The following RNLS variants were observed in gnomAD, a reference collection of about 807,000 sequenced individuals.
RNLS encodes renalase, FAD dependent amine oxidase, also known as renalase.
Under a neutral mutation model 39.8 loss-of-function variants are expected in RNLS, and 39 were observed. The observed-to-expected ratio is 0.98, with a 90% CI of 0.76 to 1.28. RNLS has a LOEUF of 1.28. RNLS is among the 50% of genes most tolerant of loss of function. The probability of loss-of-function intolerance (pLI) is 0.00; values close to 1 mark genes in which losing one functional copy is unlikely to be tolerated. For missense variants in RNLS, 410 were observed against 413.3 expected, an observed-to-expected ratio of 0.99 and a Z score of 0.07; for synonymous variants, 147 against 150.7, an observed-to-expected ratio of 0.98 and a Z score of 0.18.
In RNLS at chr10:88,284,968, T is replaced by G. The variant is rs1487250515; in HGVS notation, c.*386A>C. ...ACATCCGAAGACTTAAGATGGGGCT[T>G]TGATAATGTGATTATTCTTTATTCA... is the stretch of plus-strand genomic sequence containing the variant. On this transcript the variant is annotated 3_prime_UTR_variant, in exon 7 of 7. Transcript: ENST00000331772. 1.0e-6 allele frequency: 1 copy of G among 989,270 alleles called. No homozygotes were observed. The highest frequency in any genetic ancestry group is 1.2e-6 in the Non-Finnish European group (1 of 832,680). 61.3% of individuals were successfully genotyped at this position (989,270 alleles called of 1,614,324 possible). A position where few individuals can be genotyped will look rare whatever the true frequency, so the allele number is the denominator to read the frequency against.
At chr10:88,441,845 C>CA (rs1564801519) in intron 4 of RNLS, among the ~76,000 whole-genome samples, 1 of 152,200 alleles carries the variant, frequency 6.6e-6, no homozygotes, top group Non-Finnish European at 1.5e-5. Flanking sequence ...AAAACCTTGA[C>CA]AGGTCTTAAT....
intron 4 of RNLS, among the ~76,000 whole-genome samples, chr10:88,558,417 T>C (rs1178971046): frequency 6.6e-6 from 1 of 152,188 alleles, no homozygotes; most frequent in Non-Finnish European, 1.5e-5. Context: ...GTGTTGATAT[T>C]GGAATTATCA....
chr10:88,386,606 C>A (rs1484296104), intron 4 of RNLS, among the ~76,000 whole-genome samples: 1 of 152,176 alleles, frequency 6.6e-6, no homozygotes, highest in East Asian at 1.9e-4. Flanking sequence ...TAAGAGAATC[C>A]TCACAGCATA....
At chr10:88,404,721 C>A (rs1342451) in intron 4 of RNLS, among the ~76,000 whole-genome samples, 88,762 of 151,746 alleles carry the variant, frequency 0.58, 26,014 homozygotes, top group African/African-American at 0.63. Context: ...AGAACTGCAG[C>A]AAAGAGAAAC....
At chr10:88,445,257 C>A (rs1047981651) in intron 4 of RNLS, among the ~76,000 whole-genome samples, 4 of 152,178 alleles carry the variant, frequency 2.6e-5, no homozygotes, top group Non-Finnish European at 5.9e-5. Flanking sequence ...CCTTTACAGA[C>A]AACCAAATGC....
the RNLS span, among the ~76,000 whole-genome samples, chr10:88,245,204 G>A: frequency 6.6e-6 from 1 of 152,198 alleles, no homozygotes; most frequent in Non-Finnish European, 1.5e-5. Context: ...AATAACAGTT[G>A]TTGCTTTTGA....
At chr10:88,173,128 G>C in the RNLS span, among the ~76,000 whole-genome samples, 1 of 151,980 alleles carries the variant, frequency 6.6e-6, no homozygotes, top group African/African-American at 2.4e-5. Flanking sequence ...AAAGTGCTGG[G>C]ATTACAGGCA....
At chr10:88,321,757 A>G (rs1806427773) in intron 5 of RNLS, among the ~76,000 whole-genome samples, 1 of 152,178 alleles carries the variant, frequency 6.6e-6, no homozygotes, top group African/African-American at 2.4e-5. Flanking sequence ...GATGAAATTA[A>G]AATGCTGAAC....
chr10:88,238,689 G>A, the RNLS span, among the ~76,000 whole-genome samples: 4 of 152,180 alleles, frequency 2.6e-5, no homozygotes, highest in African/African-American at 4.8e-5. Context: ...AAGGACAGAC[G>A]ATTGGGCACG....
chr10:88,454,785 C>T (rs140380110), intron 4 of RNLS, among the ~76,000 whole-genome samples: 306 of 152,168 alleles, frequency 2.0e-3, no homozygotes, highest in Non-Finnish European at 3.8e-3. Context: ...TGGGGATAAA[C>T]GTAGGGGTGT....
At chr10:88,455,965 G>A (rs148724091) in intron 4 of RNLS, among the ~76,000 whole-genome samples, 45 of 152,276 alleles carry the variant, frequency 3.0e-4, no homozygotes, top group African/African-American at 1.0e-3. Flanking sequence ...AGTGAGCATC[G>A]AACAGTTTTA....
chr10:88,482,411 T>A (rs1318249435), intron 4 of RNLS, among the ~76,000 whole-genome samples: 1 of 152,158 alleles, frequency 6.6e-6, no homozygotes, highest in African/African-American at 2.4e-5. Context: ...CTCTCTCCTA[T>A]CATCTCAAAT....
At chr10:88,203,344 G>A in the RNLS span, among the ~76,000 whole-genome samples, 8,378 of 12,174 alleles carry the variant, frequency 0.69, 3,670 homozygotes, top group Non-Finnish European at 0.79. Context: ...ATACACGTAT[G>A]TGTATATATA....
chr10:88,542,134 T>C (rs1250492752), intron 4 of RNLS, among the ~76,000 whole-genome samples: 1 of 152,160 alleles, frequency 6.6e-6, no homozygotes, highest in African/African-American at 2.4e-5. Flanking sequence ...CTTCAAGTTA[T>C]AGTGAATGAA....
At chr10:88,267,665 C>G in the RNLS span, among the ~76,000 whole-genome samples, 1 of 152,176 alleles carries the variant, frequency 6.6e-6, no homozygotes, top group South Asian at 2.1e-4. Flanking sequence ...TTAAGTCTAA[C>G]CAGGAGAACA....
chr10:88,356,666 T>TATGA (rs1218991378), intron 5 of RNLS, among the ~76,000 whole-genome samples: 6 of 152,146 alleles, frequency 3.9e-5, no homozygotes, highest in Non-Finnish European at 5.9e-5. Flanking sequence ...GGATAAATTC[T>TATGA]ATGAATACAT....
chr10:88,256,531 A>T, the RNLS span, among the ~76,000 whole-genome samples: 1 of 152,190 alleles, frequency 6.6e-6, no homozygotes, highest in Non-Finnish European at 1.5e-5. Flanking sequence ...AGACAGGAGG[A>T]TATGGGCGAA....
At chr10:88,401,867 A>G (rs924814875) in intron 4 of RNLS, among the ~76,000 whole-genome samples, 1 of 152,000 alleles carries the variant, frequency 6.6e-6, no homozygotes, top group African/African-American at 2.4e-5. Flanking sequence ...TGGGTAGTGC[A>G]CAGTGTCTGT....
At chr10:88,182,165 C>T in the RNLS span, among the ~76,000 whole-genome samples, 1 of 152,002 alleles carries the variant, frequency 6.6e-6, no homozygotes, top group Non-Finnish European at 1.5e-5. Context: ...TTTTATGAGC[C>T]TCAAGGGTAG....
Sources: allele counts gnomAD v4.1 joint callset (sites outside exome capture counted in the v4.1 genomes callset), GRCh38; gene constraint gnomAD v4.1.1; transcripts MANE v1.5; gene names NCBI Gene and HGNC (gene_info 2026-07-23, HGNC 2026-07-21).